The following ABCG8 variants were observed in gnomAD, a reference collection of about 807,000 sequenced individuals.
ABCG8 encodes the protein ATP-binding cassette sub-family G member 8.
Under a neutral mutation model 71.3 loss-of-function variants are expected in ABCG8, and 81 were observed. The observed-to-expected ratio is 1.14, with a 90% CI of 0.95 to 1.37. The LOEUF (loss-of-function observed/expected upper bound fraction) is 1.37, where lower values mean the gene tolerates loss of function less well. Among genes scored for constraint, ABCG8 ranks in the 40% most tolerant of loss-of-function variants. ABCG8 has a pLI of 0.00. For synonymous variants in ABCG8, 451 were observed against 354.7 expected (o/e 1.27, Z -3.05); for missense variants, 1,119 against 866.2 (o/e 1.29, Z -3.66).
intron 6 of ABCG8, 74 bp downstream of exon 6, chr2:43,852,942 G>C (rs932154608): frequency 6.4e-7 from 1 of 1,570,414 alleles, no homozygotes; most frequent in Non-Finnish European, 8.7e-7. Context: ...GCCCAAGCTT[G>C]CTGGAAAGAT....
At chr2:43,855,110 C>T (rs560174073) in intron 6 of ABCG8, among the ~76,000 whole-genome samples, 1 of 152,342 alleles carries the variant, frequency 6.6e-6, no homozygotes, top group Non-Finnish European at 1.5e-5. Context: ...TTCTCACCAT[C>T]TGGATAGAAC....
At chr2:43,871,298 T>TTCTCACCCTCTGGATAGAAC (rs1669760916) in intron 6 of ABCG8, among the ~76,000 whole-genome samples, 1 of 122,242 alleles carries the variant, frequency 8.2e-6, no homozygotes, top group African/African-American at 3.3e-5. Flanking sequence ...CTGGATAGAA[T>TTCTCACCCTCTGGATAGAAC]TCTCACTCTC....
At position 43,846,865 on chromosome 2, in the gene ABCG8, A is replaced by G. The variant is rs368984868; in HGVS notation, c.322+554A>G. The G allele has an allele frequency of 4.8e-5, 9 of 189,406 alleles. No individual in the cohort carries two copies. In the East Asian group the frequency reaches 6.5e-4, roughly 14 times the overall value. 11.7% of individuals were successfully genotyped at this position (189,406 alleles called of 1,614,324 possible). ...TCTGAGCTGAAAGGGGGCTTGGGGA[A>G]CAGAGGTCATTCTCATCATGTTCCA... On this transcript the variant is annotated intron_variant, in intron 3 of 12. Transcript: ENST00000272286.
In ABCG8 at chr2:43,873,795, T is replaced by A. The variant is rs992386164; in HGVS notation, c.1220T>A (p.Ile407Asn). The A allele has an allele frequency of 3.7e-6, 6 of 1,614,186 alleles. No homozygotes were observed. Among genetic ancestry groups the A allele is most frequent in the African/African-American group, 1.3e-5 (1 of 75,048 alleles). Residue 407 changes from isoleucine (I) to asparagine (N), a missense_variant, in exon 9 of 13, where the codon ATT becomes AAT. Physicochemically the swap from Ile to Asn is moderately radical, Grantham distance 149 (BLOSUM62 -3). Transcript: ENST00000272286. ...QQFTTLIRRQ[I>N]SNDFRDLPTL... is the part of the protein sequence containing the mutation. ...TCCTTTTGGTTTTTAAGTCGTCAGA[T>A]TTCCAACGACTTCCGAGACCTGCCC...
At chr2:43,856,705 CACTA>C (rs1669120474) in intron 6 of ABCG8, among the ~76,000 whole-genome samples, 1 of 152,000 alleles carries the variant, frequency 6.6e-6, no homozygotes, top group Non-Finnish European at 1.5e-5. Context: ...ATAGAACTCT[CACTA>C]TCTATCTGGA....
At chr2:43,852,968 C>A in intron 6 of ABCG8, 100 bp downstream of exon 6, 2 of 1,373,394 alleles carry the variant, frequency 1.5e-6, no homozygotes, top group Non-Finnish European at 2.0e-6. Context: ...GGAGAAACTC[C>A]CAGAGGTTTC....
At chr2:43,841,297 C>G (rs1184498287) in intron 1 of ABCG8, among the ~76,000 whole-genome samples, 2 of 152,198 alleles carry the variant, frequency 1.3e-5, no homozygotes, top group Non-Finnish European at 2.9e-5. Flanking sequence ...GGAGAAATTA[C>G]AATGTAGCCC....
chr2:43,882,984 T>A lies in ABCG8; in HGVS notation c.*5071T>A, dbSNP rs1230005384. Reference sequence around the variant, plus strand: ...ATGCTAAAAATAAAGCTCTTTCGGCTGGGCGCAGTGGCTCATGACTGTAAT... The same window carrying A: ...ATGCTAAAAATAAAGCTCTTTCGGCAGGGCGCAGTGGCTCATGACTGTAAT... On this transcript the variant is annotated 3_prime_UTR_variant, in exon 13 of 13. Transcript: ENST00000272286. 6.6e-6 allele frequency: 1 copy of A among 152,220 alleles called. No homozygotes were observed. The highest frequency in any genetic ancestry group is 1.9e-4 in the East Asian group (1 of 5,198). The allele number at this position is 152,220 out of a possible 1,614,324, so 9.4% of individuals were successfully genotyped here.
At position 43,877,930 on chromosome 2, in the gene ABCG8, G is replaced by T. The variant is rs755996439; in HGVS notation, c.*17G>T. 2 of 1,614,108 alleles carry T rather than the reference G, an allele frequency of 1.2e-6. No individual in the cohort carries two copies. The highest frequency in any genetic ancestry group is 4.5e-5 in the East Asian group (2 of 44,864). On this transcript the variant is annotated 3_prime_UTR_variant, in exon 13 of 13. Coordinates refer to ENST00000272286, the MANE Select transcript of ABCG8 (RefSeq NM_022437.3). Reference sequence around the variant, plus strand: ...GACTGGTGATTCACGCCAGACGTCTGCCCGCTGGTGGGGGACCTGAGCAGA... The same window carrying T: ...GACTGGTGATTCACGCCAGACGTCTTCCCGCTGGTGGGGGACCTGAGCAGA...
At position 43,843,155 on chromosome 2, in the gene ABCG8, A is replaced by G. The variant is rs559316885; in HGVS notation, c.64-1352A>G. ...CTCTCTGCCTGGTCTGTCTCGCTCC[A>G]TCGTAATCACCTGTCTCATCTGCCA... On this transcript the variant is annotated intron_variant, in intron 1 of 12. Coordinates refer to ENST00000272286, the MANE Select transcript of ABCG8 (RefSeq NM_022437.3). 4.6e-5 allele frequency among the ~76,000 whole-genome samples: 7 copies of G among 152,328 alleles called. No individual in the cohort carries two copies. In the East Asian group the frequency reaches 1.4e-3, roughly 29 times the overall value.
intron 6 of ABCG8, among the ~76,000 whole-genome samples, chr2:43,865,224 A>G (rs1669484378): frequency 6.9e-6 from 1 of 144,996 alleles, no homozygotes; most frequent in African/African-American, 2.6e-5. Context: ...CACCATCTGC[A>G]TGGAACTCTC....
intron 6 of ABCG8, among the ~76,000 whole-genome samples, chr2:43,864,106 C>G (rs546060932): frequency 6.6e-6 from 1 of 151,564 alleles, no homozygotes; most frequent in African/African-American, 2.4e-5. Flanking sequence ...CTCTCACTAT[C>G]TATCTGGATA....
chr2:43,844,404 G>C (rs148820164), intron 1 of ABCG8, 103 bp from the exon 2 acceptor site: 3 of 883,162 alleles, frequency 3.4e-6, no homozygotes, highest in Admixed American at 2.0e-5. Context: ...ATTTAACCAC[G>C]TCGGCTCTAA....
chr2:43,861,715 A>AGATAGTGGACACTATGTCTCACTATCCG (rs1397382611), intron 6 of ABCG8, among the ~76,000 whole-genome samples: 9 of 150,276 alleles, frequency 6.0e-5, no homozygotes, highest in East Asian at 4.0e-4. Context: ...CTCACTCCCC[A>AGATAGTGGACACTATGTCTCACTATCCG]GATAGTGGAC....
At chr2:43,865,593 C>T (rs1429324523) in intron 6 of ABCG8, among the ~76,000 whole-genome samples, 1 of 140,094 alleles carries the variant, frequency 7.1e-6, no homozygotes, top group Non-Finnish European at 1.6e-5. Context: ...ATAGAATTCT[C>T]ACCCTCTAGA....
rs532368382 is a variant in ABCG8 at position 43,880,860 on chromosome 2, T to A, written c.*2947T>A. ...CCGCCTGCAGGTAAGTAATCTCCCA[T>A]CTACACTGCCACGCCTTCTCCTGTA... On this transcript the variant is annotated 3_prime_UTR_variant, in exon 13 of 13. Transcript: ENST00000272286. The A allele has an allele frequency of 1.1e-4, 17 of 152,278 alleles. No individual in the cohort carries two copies. Among genetic ancestry groups the A allele is most frequent in the African/African-American group, 3.8e-4 (16 of 41,570 alleles). 9.4% of individuals were successfully genotyped at this position (152,278 alleles called of 1,614,324 possible).
chr2:43,863,325 A>G (rs1402716035), intron 6 of ABCG8, among the ~76,000 whole-genome samples: 1 of 151,598 alleles, frequency 6.6e-6, no homozygotes, highest in Non-Finnish European at 1.5e-5. Flanking sequence ...ATCTATCTGG[A>G]TAGAATTCTC....
At chr2:43,870,356 TC>T (rs747649243) in intron 6 of ABCG8, among the ~76,000 whole-genome samples, 4 of 152,136 alleles carry the variant, frequency 2.6e-5, no homozygotes, top group Non-Finnish European at 4.4e-5. Flanking sequence ...GAATTCACTC[TC>T]TGGATAGAAT....
chr2:43,869,456 T>G (rs1440238912), intron 6 of ABCG8, among the ~76,000 whole-genome samples: 2 of 152,172 alleles, frequency 1.3e-5, no homozygotes, highest in Non-Finnish European at 2.9e-5. Context: ...ACTATCTATC[T>G]GGATAGAATT....
Sources: allele counts gnomAD v4.1 joint callset (sites outside exome capture counted in the v4.1 genomes callset), GRCh38; gene constraint gnomAD v4.1.1; transcripts MANE v1.5; gene names NCBI Gene and HGNC (gene_info 2026-07-23, HGNC 2026-07-21).